The following PLCG2 variants were observed in gnomAD, a reference collection of about 807,000 sequenced individuals.
PLCG2 encodes 1-phosphatidylinositol 4,5-bisphosphate phosphodiesterase gamma-2.
A neutral mutation model predicts 175.6 loss-of-function variants in PLCG2; 69 were observed. The observed-to-expected ratio is 0.39, with a 90% CI of 0.32 to 0.48. The LOEUF is 0.48. Among genes scored for constraint, PLCG2 ranks in the 20% least tolerant of loss-of-function variants. The probability of loss-of-function intolerance (pLI) is 0.91; values close to 1 mark genes in which losing one functional copy is unlikely to be tolerated. For synonymous variants in PLCG2, 827 were observed against 624.0 expected, an observed-to-expected ratio of 1.33 and a Z score of -4.85; for missense variants, 1,798 against 1,650.9, an observed-to-expected ratio of 1.09 and a Z score of -1.54.
At chr16:81,833,937 C>G (rs992818718) in intron 2 of PLCG2, among the ~76,000 whole-genome samples, 1 of 152,158 alleles carries the variant, frequency 6.6e-6, no homozygotes, top group African/African-American at 2.4e-5. Context: ...TACCTGACTT[C>G]AAAGGAAGCA....
At chr16:81,907,228 A>T (rs1426081858) in intron 15 of PLCG2, among the ~76,000 whole-genome samples, 1 of 152,170 alleles carries the variant, frequency 6.6e-6, no homozygotes, top group Non-Finnish European at 1.5e-5. Context: ...GTCATGCATG[A>T]CAATAAAACA....
In PLCG2 at chr16:81,784,254, C is replaced by G. The variant is rs1427540552; in HGVS notation, c.-47-1689C>G. 3.3e-5 allele frequency among the ~76,000 whole-genome samples: 5 copies of G among 152,334 alleles called. No individual in the cohort carries two copies. In the South Asian group the frequency reaches 1.0e-3, roughly 32 times the overall value. ...CTCATTTGCATCCTAGTCCCCACCT[C>G]AGTGCCTGGCATAGAGTTGACATTT... On this transcript the variant is annotated intron_variant, in intron 1 of 32. Transcript: ENST00000564138.
intron 2 of PLCG2, among the ~76,000 whole-genome samples, chr16:81,810,279 C>A (rs995002720): frequency 6.6e-6 from 1 of 152,216 alleles, no homozygotes; most frequent in Non-Finnish European, 1.5e-5. Context: ...GCCACCGTGC[C>A]CAGCCCATGC....
At chr16:81,927,397 T>C (rs3813010) in intron 23 of PLCG2, among the ~76,000 whole-genome samples, 105,890 of 152,064 alleles carry the variant, frequency 0.7, 37,922 homozygotes, top group East Asian at 0.82. Context: ...TCAGGTTGTG[T>C]TGGGCTTGGA....
intron 1 of PLCG2, among the ~76,000 whole-genome samples, chr16:81,740,944 G>C (rs1183479148): frequency 6.6e-6 from 1 of 152,142 alleles, no homozygotes; most frequent in Non-Finnish European, 1.5e-5. Flanking sequence ...AATTCCCACA[G>C]ATGTGAGACA....
At chr16:81,754,050 G>T (rs1312651276) in intron 1 of PLCG2, among the ~76,000 whole-genome samples, 1 of 152,046 alleles carries the variant, frequency 6.6e-6, no homozygotes, top group Non-Finnish European at 1.5e-5. Flanking sequence ...GAAGATTCTA[G>T]GAGGAAAGTC....
intron 2 of PLCG2, among the ~76,000 whole-genome samples, chr16:81,802,334 G>C (rs867239468): frequency 7.3e-5 from 11 of 150,606 alleles, no homozygotes; most frequent in African/African-American, 2.4e-4. Context: ...GGATGGTCTC[G>C]ATCTCCTGAC....
At chr16:81,927,669 G>A (rs531609826) in intron 23 of PLCG2, among the ~76,000 whole-genome samples, 1 of 152,278 alleles carries the variant, frequency 6.6e-6, no homozygotes, top group African/African-American at 2.4e-5. Context: ...CTCCACCAAG[G>A]ATGATATCTT....
At chr16:81,891,615 G>GCCCAACCCATCACA in intron 11 of PLCG2, 25 bp downstream of exon 11, 3 of 1,326,652 alleles carry the variant, frequency 2.3e-6, no homozygotes, top group Non-Finnish European at 3.3e-6. Context: ...AGCCTGTGAT[G>GCCCAACCCATCACA]GGTTGGGCAG....
At chr16:81,891,693 G>A (rs1220412769) in intron 11 of PLCG2, 103 bp downstream of exon 11, 9 of 726,726 alleles carry the variant, frequency 1.2e-5, no homozygotes, top group East Asian at 5.1e-5. Flanking sequence ...TGTGAAGCAG[G>A]TGGAGGGTGT....
intron 2 of PLCG2, among the ~76,000 whole-genome samples, chr16:81,829,327 T>C (rs550763467): frequency 1.8e-4 from 27 of 152,206 alleles, no homozygotes; most frequent in Non-Finnish European, 2.1e-4. Context: ...CAGGCTGGCC[T>C]TGAACTCCTG....
At chr16:81,922,112 G>T (rs779334248) in intron 21 of PLCG2, among the ~76,000 whole-genome samples, 1 of 152,156 alleles carries the variant, frequency 6.6e-6, no homozygotes, top group Non-Finnish European at 1.5e-5. Context: ...AGCAGGATAC[G>T]CAAGTAGAGG....
intron 2 of PLCG2, among the ~76,000 whole-genome samples, chr16:81,787,725 C>T (rs904484483): frequency 6.6e-6 from 1 of 151,974 alleles, no homozygotes; most frequent in Non-Finnish European, 1.5e-5. Flanking sequence ...TCACCATCAC[C>T]CCATCCCCTC....
At chr16:81,832,991 AG>A (rs1905328738) in intron 2 of PLCG2, among the ~76,000 whole-genome samples, 1 of 152,200 alleles carries the variant, frequency 6.6e-6, no homozygotes, top group African/African-American at 2.4e-5. Flanking sequence ...GAGGGAAACA[AG>A]TCACGCTTGT....
At chr16:81,833,837 G>A (rs192699187) in intron 2 of PLCG2, among the ~76,000 whole-genome samples, 23 of 152,242 alleles carry the variant, frequency 1.5e-4, no homozygotes, top group African/African-American at 4.6e-4. Context: ...CATGAGCCAC[G>A]GCGCCCGGCC....
At chr16:81,883,167 G>A in intron 8 of PLCG2, 102 bp from the exon 9 acceptor site, 1 of 930,470 alleles carries the variant, frequency 1.1e-6, no homozygotes, top group Admixed American at 1.7e-5. Context: ...CAGACTAAGT[G>A]GGGCGTTCTG....
chr16:81,888,900 G>A (rs984847148), intron 9 of PLCG2, among the ~76,000 whole-genome samples: 9 of 152,154 alleles, frequency 5.9e-5, no homozygotes, highest in African/African-American at 2.2e-4. Flanking sequence ...GGCTGCTTTT[G>A]CAACACAACA....
chr16:81,821,440 C>T (rs945258206), intron 2 of PLCG2, among the ~76,000 whole-genome samples: 12 of 151,882 alleles, frequency 7.9e-5, no homozygotes, highest in Non-Finnish European at 1.8e-4. Context: ...AGTTGGGCAG[C>T]CTCGGTGGCT....
At chr16:81,890,082 C>T (rs758190001) in intron 10 of PLCG2, among the ~76,000 whole-genome samples, 61 of 151,952 alleles carry the variant, frequency 4.0e-4, no homozygotes, top group Non-Finnish European at 6.5e-4. Flanking sequence ...GACCAGTGGG[C>T]GGTCCAGGTA....
Sources: allele counts gnomAD v4.1 joint callset (sites outside exome capture counted in the v4.1 genomes callset), GRCh38; gene constraint gnomAD v4.1.1; transcripts MANE v1.5; gene names NCBI Gene and HGNC (gene_info 2026-07-23, HGNC 2026-07-21).